The following GALK2 variants were observed in gnomAD, a reference collection of about 807,000 sequenced individuals.
The protein encoded by GALK2 is galactokinase 2.
Under a neutral mutation model 52.4 loss-of-function variants are expected in GALK2, and 36 were observed. That is an observed-to-expected ratio of 0.69 (90% CI 0.53 to 0.91). The LOEUF (loss-of-function observed/expected upper bound fraction) is 0.91. GALK2 is among the 40% of genes least tolerant of loss of function. GALK2 has a pLI of 0.00. For missense variants in GALK2, 579 were observed against 559.1 expected (o/e 1.04, Z -0.36); for synonymous variants, 176 against 199.1 (o/e 0.88, Z 0.98).
chr15:49,192,485 GTATATATATATATATATATATATATA>G (rs58230206), intron 1 of GALK2, among the ~76,000 whole-genome samples: 4 of 102,972 alleles, frequency 3.9e-5, no homozygotes, highest in African/African-American at 8.1e-5. Flanking sequence ...ATATATATAT[GTATATATATATATATATATATATATA>G]TATATATATA....
intron 3 of GALK2, chr15:49,366,121 G>A: frequency 5.1e-6 from 5 of 978,158 alleles, no homozygotes; most frequent in Non-Finnish European, 8.3e-6. Flanking sequence ...GTCCACTCCA[G>A]TATCCACCTA....
intron 1 of GALK2, among the ~76,000 whole-genome samples, chr15:49,176,736 A>C (rs570019414): frequency 6.6e-6 from 1 of 152,036 alleles, no homozygotes; most frequent in Non-Finnish European, 1.5e-5. Context: ...ATTTACCGAC[A>C]TTTTATTTAG....
intron 3 of GALK2, chr15:49,225,103 G>C (rs2090051037): frequency 7.2e-6 from 3 of 419,218 alleles, no homozygotes; most frequent in South Asian, 1.7e-5. Context: ...GGTCTATAGT[G>C]GGGTAGGGGG....
intron 3 of GALK2, among the ~76,000 whole-genome samples, chr15:49,363,229 AT>A (rs1206635694): frequency 6.6e-6 from 1 of 152,186 alleles, no homozygotes; most frequent in Non-Finnish European, 1.5e-5. Context: ...GGCCATTTAA[AT>A]GGTATTGATT....
chr15:49,201,347 G>A, intron 2 of GALK2, 97 bp downstream of exon 2: 1 of 662,894 alleles, frequency 1.5e-6, no homozygotes, highest in Non-Finnish European at 2.5e-6. Flanking sequence ...TCCCAAAATA[G>A]AATATTTCAC....
chr15:49,222,586 G>A (rs2089873244), intron 3 of GALK2, among the ~76,000 whole-genome samples: 1 of 152,148 alleles, frequency 6.6e-6, no homozygotes, highest in Non-Finnish European at 1.5e-5. Context: ...TGATAATTGA[G>A]AGTTTTTATC....
chr15:49,302,036 A>G (rs1407902116), intron 8 of GALK2, among the ~76,000 whole-genome samples: 1 of 152,188 alleles, frequency 6.6e-6, no homozygotes, highest in African/African-American at 2.4e-5. Flanking sequence ...GGTTATCTGC[A>G]TTTCACAGAT....
chr15:49,228,689 T>TATA (rs2090324004), intron 3 of GALK2, among the ~76,000 whole-genome samples: 4 of 10,932 alleles, frequency 3.7e-4, no homozygotes, highest in Non-Finnish European at 4.2e-4. Context: ...ATATATATAT[T>TATA]TTTTTTTTTT....
Position 49,201,150 on chromosome 15 carries a change from T to C in GALK2, c.54-12T>C. On this transcript the variant is annotated splice_polypyrimidine_tract_variant and intron_variant, in intron 1 of 9. Transcript: ENST00000560031. ...TATATGATATTCTGAAATATTGTAC[T>C]TTTATTTTCAGGTTACTGAAGCTAA... The C allele has an allele frequency of 2.0e-6, 3 of 1,511,166 alleles. No individual in the cohort carries two copies. The highest frequency in any genetic ancestry group is 1.8e-6 in the Non-Finnish European group (2 of 1,088,298). The allele number at this position is 1,511,166 out of a possible 1,614,324, so 93.6% of individuals were successfully genotyped here.
At chr15:49,356,314 T>A (rs1440173412) in intron 3 of GALK2, among the ~76,000 whole-genome samples, 11 of 150,902 alleles carry the variant, frequency 7.3e-5, no homozygotes, top group South Asian at 2.1e-4. Context: ...TCAAGACCCA[T>A]CAGTGTGCTG....
intron 5 of GALK2, among the ~76,000 whole-genome samples, chr15:49,250,632 T>C (rs967510681): frequency 2.0e-5 from 3 of 152,214 alleles, no homozygotes; most frequent in Non-Finnish European, 4.4e-5. Flanking sequence ...GCCATGCTGC[T>C]ACCTATGGTA....
chr15:49,357,608 C>A (rs570217218), intron 3 of GALK2, among the ~76,000 whole-genome samples: 2,847 of 150,506 alleles, frequency 0.019, 43 homozygotes, highest in Middle Eastern at 0.031. Flanking sequence ...AGCTTACCAA[C>A]CAAAAAGAGT....
intron 1 of GALK2, among the ~76,000 whole-genome samples, chr15:49,192,491 A>ATATATATATATATG (rs2086822052): frequency 1.6e-4 from 4 of 25,418 alleles, no homozygotes; most frequent in African/African-American, 4.5e-4. Flanking sequence ...ATATGTATAT[A>ATATATATATATATG]TATATATATA....
intron 8 of GALK2, among the ~76,000 whole-genome samples, chr15:49,294,087 CAAAT>C (rs201999229): frequency 0.18 from 23,022 of 130,900 alleles, 2,129 homozygotes; most frequent in South Asian, 0.25. Context: ...GACCCTGTCT[CAAAT>C]AAATAAATAA....
intron 5 of GALK2, among the ~76,000 whole-genome samples, chr15:49,257,419 A>C (rs566286897): frequency 1.3e-5 from 2 of 152,290 alleles, no homozygotes; most frequent in African/African-American, 4.8e-5. Flanking sequence ...GGATGCACTC[A>C]TATAATATAA....
chr15:49,367,545 G>A, exon 4 of GALK2: 1 of 1,605,890 alleles, frequency 6.2e-7, no homozygotes, highest in Non-Finnish European at 8.5e-7. Flanking sequence ...AAAATCAATG[G>A]ACTCTGACCT....
At chr15:49,352,303 C>G (rs1011560700) in intron 3 of GALK2, among the ~76,000 whole-genome samples, 2 of 152,234 alleles carry the variant, frequency 1.3e-5, no homozygotes, top group South Asian at 4.1e-4. Context: ...TGTTCAAACT[C>G]AAGGGCAGTG....
chr15:49,346,385 C>T (rs2041512676), intron 3 of GALK2, among the ~76,000 whole-genome samples: 1 of 152,162 alleles, frequency 6.6e-6, no homozygotes, highest in South Asian at 2.1e-4. Flanking sequence ...CCTGTTACTT[C>T]ATTTTCCCCA....
chr15:49,156,102 AACACAGTTT>A, intron 1 of GALK2: 13 of 1,327,620 alleles, frequency 9.8e-6, no homozygotes, highest in Non-Finnish European at 1.2e-5. Context: ...ACTTTTCAGC[AACACAGTTT>A]ACACTTAATG....
Sources: gnomAD v4.1 joint callset for allele counts (sites outside exome capture counted in the v4.1 genomes callset) on GRCh38, gnomAD v4.1.1 for gene constraint, MANE v1.5 for transcripts, NCBI Gene and HGNC (gene_info 2026-07-23, HGNC 2026-07-21) for gene names.